FHIT: variants seen among roughly 807,000 people sequenced by gnomAD.
FHIT encodes the protein bis(5'-adenosyl)-triphosphatase.
A neutral mutation model predicts 17.9 loss-of-function variants in FHIT; 19 were observed. That is an observed-to-expected ratio of 1.06 (90% CI 0.74 to 1.56). FHIT has a LOEUF of 1.56. FHIT is among the 40% of genes most tolerant of loss of function. FHIT has a pLI of 0.00. For missense variants in FHIT, 248 were observed against 189.2 expected (o/e 1.31, Z -1.82); for synonymous variants, 81 against 69.7 (o/e 1.16, Z -0.81).
chr3:59,975,348 C>T (rs1249282023), intron 7 of FHIT, among the ~76,000 whole-genome samples: 2 of 151,996 alleles, frequency 1.3e-5, no homozygotes, highest in Non-Finnish European at 2.9e-5. Context: ...TCCCAAGTGG[C>T]TACCTCTAAA....
At chr3:60,446,371 C>G (rs1293660481) in intron 5 of FHIT, among the ~76,000 whole-genome samples, 1 of 152,116 alleles carries the variant, frequency 6.6e-6, no homozygotes, top group Non-Finnish European at 1.5e-5. Flanking sequence ...CTCTGGCAGC[C>G]AGTCTGAAAT....
chr3:60,561,023 TA>T (rs1343318294), intron 4 of FHIT, among the ~76,000 whole-genome samples: 1 of 152,006 alleles, frequency 6.6e-6, no homozygotes, highest in Non-Finnish European at 1.5e-5. Flanking sequence ...AAATAATTGA[TA>T]CCCAACAAAC....
intron 5 of FHIT, among the ~76,000 whole-genome samples, chr3:60,438,744 A>G (rs2030521446): frequency 6.6e-6 from 1 of 152,128 alleles, no homozygotes; most frequent in Non-Finnish European, 1.5e-5. Context: ...ATTCATGCTG[A>G]TCACCAACTA....
chr3:61,107,206 G>A (rs530614911), intron 2 of FHIT, among the ~76,000 whole-genome samples: 6 of 152,230 alleles, frequency 3.9e-5, no homozygotes, highest in African/African-American at 1.4e-4. Context: ...AATTTCGCAT[G>A]TAAGTGAGAT....
intron 5 of FHIT, among the ~76,000 whole-genome samples, chr3:60,196,002 C>T (rs961061011): frequency 6.6e-6 from 1 of 152,000 alleles, no homozygotes; most frequent in African/African-American, 2.4e-5. Flanking sequence ...TAACCAAAAC[C>T]TACTTGTACC....
chr3:60,009,022 T>C (rs1297979781), intron 7 of FHIT, among the ~76,000 whole-genome samples: 1 of 152,228 alleles, frequency 6.6e-6, no homozygotes, highest in African/African-American at 2.4e-5. Context: ...AATCAACTTT[T>C]TGTTGTTGTT....
chr3:60,834,846 CTGAG>C (rs1162146345), intron 3 of FHIT, among the ~76,000 whole-genome samples: 1 of 142,310 alleles, frequency 7.0e-6, no homozygotes, highest in Non-Finnish European at 1.5e-5. Flanking sequence ...GCTTGGGGAA[CTGAG>C]TGAGACACTG....
At chr3:60,906,559 G>A (rs892405035) in intron 3 of FHIT, among the ~76,000 whole-genome samples, 1 of 152,152 alleles carries the variant, frequency 6.6e-6, no homozygotes, top group Non-Finnish European at 1.5e-5. Context: ...TCTTGATTGG[G>A]GTAGGGAAAA....
chr3:60,909,011 C>T (rs1706579423), intron 3 of FHIT, among the ~76,000 whole-genome samples: 1 of 152,060 alleles, frequency 6.6e-6, no homozygotes, highest in Non-Finnish European at 1.5e-5. Flanking sequence ...GTTGTCACAC[C>T]TTAGCTAATA....
intron 2 of FHIT, among the ~76,000 whole-genome samples, chr3:61,105,552 T>A (rs532959111): frequency 7.2e-5 from 11 of 152,194 alleles, no homozygotes; most frequent in South Asian, 2.1e-4. Context: ...GTGACTTTTT[T>A]AAATTAAAAT....
At chr3:60,299,140 G>A (rs10155027) in intron 5 of FHIT, among the ~76,000 whole-genome samples, 3 of 151,932 alleles carry the variant, frequency 2.0e-5, no homozygotes, top group Non-Finnish European at 2.9e-5. Flanking sequence ...CAGCCGTGAC[G>A]ATCCTCAAGC....
In FHIT at chr3:60,550,012, C is replaced by A. The variant is rs533971314; in HGVS notation, c.-17-13033G>T. ...CCTTAACTCCAGACACTTCTACCAA[C>A]TGGAGAGTAGGTTTCTATTTCAATT... On this transcript the variant is annotated intron_variant, in intron 4 of 9. Transcript: ENST00000492590. Among the ~76,000 whole-genome samples, 6 of 152,240 alleles carry A rather than the reference C, an allele frequency of 3.9e-5. No homozygotes were observed. In the South Asian group the frequency reaches 1.0e-3, roughly 26 times the overall value.
chr3:60,689,145 T>A (rs2040929250), intron 4 of FHIT, among the ~76,000 whole-genome samples: 1 of 152,172 alleles, frequency 6.6e-6, no homozygotes, highest in Non-Finnish European at 1.5e-5. Flanking sequence ...GCTCTCTCTT[T>A]TTGCCTGCTG....
At chr3:60,611,253 C>T (rs1286970521) in intron 4 of FHIT, among the ~76,000 whole-genome samples, 1 of 152,164 alleles carries the variant, frequency 6.6e-6, no homozygotes, top group African/African-American at 2.4e-5. Flanking sequence ...ACACAAAGTC[C>T]AGTTGGTCCA....
At chr3:60,806,413 G>A (rs1701389882) in intron 4 of FHIT, among the ~76,000 whole-genome samples, 1 of 152,196 alleles carries the variant, frequency 6.6e-6, no homozygotes, top group Non-Finnish European at 1.5e-5. Flanking sequence ...GCAGCTTTAT[G>A]TAGCCCTGAA....
intron 2 of FHIT, among the ~76,000 whole-genome samples, chr3:61,103,698 T>C (rs2035904187): frequency 6.6e-6 from 1 of 152,152 alleles, no homozygotes; most frequent in South Asian, 2.1e-4. Context: ...TATGTCTCTT[T>C]GTAGGTCTCT....
At chr3:59,969,193 C>T (rs1708066001) in intron 7 of FHIT, among the ~76,000 whole-genome samples, 1 of 152,174 alleles carries the variant, frequency 6.6e-6, no homozygotes, top group South Asian at 2.1e-4. Context: ...CTGAGCTGTT[C>T]TACGCATATT....
At chr3:60,403,492 A>C (rs752177360) in intron 5 of FHIT, among the ~76,000 whole-genome samples, 1 of 152,112 alleles carries the variant, frequency 6.6e-6, no homozygotes, top group Non-Finnish European at 1.5e-5. Context: ...TCTAGCCTCT[A>C]ATTTTCTCCC....
chr3:59,793,645 A>G (rs34764324), intron 8 of FHIT, among the ~76,000 whole-genome samples: 64,889 of 152,106 alleles, frequency 0.43, 16,305 homozygotes, highest in East Asian at 0.68. Context: ...TCCGAAGACA[A>G]TGTAAGGAAA....
Sources: allele counts gnomAD v4.1 joint callset (sites outside exome capture counted in the v4.1 genomes callset), GRCh38; gene constraint gnomAD v4.1.1; transcripts MANE v1.5; gene names NCBI Gene and HGNC (gene_info 2026-07-23, HGNC 2026-07-21).